The following LRP1B variants were observed in gnomAD, a reference collection of about 807,000 sequenced individuals.
LRP1B encodes LDL receptor related protein 1B, also known as low-density lipoprotein receptor-related protein 1B.
LRP1B carries 217 observed loss-of-function variants against 556.6 expected under a neutral mutation model. The observed-to-expected ratio is 0.39, with a 90% CI of 0.35 to 0.44. The LOEUF (loss-of-function observed/expected upper bound fraction) is 0.44. Ranked by LOEUF, LRP1B falls within the 20% of genes least tolerant of loss-of-function variation. LRP1B has a pLI of 1.00. For missense variants in LRP1B, 5,053 were observed against 5,620.8 expected (o/e 0.90, Z 3.23); for synonymous variants, 2,047 against 1,865.8 (o/e 1.10, Z -2.50).
intron 2 of LRP1B, among the ~76,000 whole-genome samples, chr2:141,734,227 T>C (rs978076012): frequency 2.6e-5 from 4 of 152,086 alleles, no homozygotes; most frequent in Admixed American, 2.6e-4. Flanking sequence ...ATAAGTGCAG[T>C]GAATAAAAAT....
chr2:141,709,365 T>G (rs972465823), intron 2 of LRP1B, among the ~76,000 whole-genome samples: 1 of 147,954 alleles, frequency 6.8e-6, no homozygotes. Flanking sequence ...TAAAAGAAAA[T>G]AAATAAAATA....
At chr2:141,530,525 G>C (rs1684835448) in intron 2 of LRP1B, among the ~76,000 whole-genome samples, 1 of 152,036 alleles carries the variant, frequency 6.6e-6, no homozygotes, top group Admixed American at 6.6e-5. Flanking sequence ...TATTCTAGCT[G>C]CTAAGGATAG....
At chr2:141,196,212 C>T (rs895536957) in intron 6 of LRP1B, among the ~76,000 whole-genome samples, 1 of 151,990 alleles carries the variant, frequency 6.6e-6, no homozygotes, top group African/African-American at 2.4e-5. Context: ...TCCATCAAGG[C>T]TTATGGTAAA....
At chr2:141,679,288 T>C (rs1251804014) in intron 2 of LRP1B, among the ~76,000 whole-genome samples, 1 of 152,098 alleles carries the variant, frequency 6.6e-6, no homozygotes, top group African/African-American at 2.4e-5. Context: ...GGCAGACATA[T>C]GTATTTAGGC....
At chr2:141,915,937 T>C (rs1387743477) in intron 1 of LRP1B, among the ~76,000 whole-genome samples, 3 of 152,316 alleles carry the variant, frequency 2.0e-5, no homozygotes, top group Non-Finnish European at 4.4e-5. Context: ...TAACAGATCC[T>C]GGCAAGGCTG....
rs1272048724 is a variant in LRP1B, at chr2:141,886,667, A to T, written c.83-76266T>A. ...TATATCTGAACATAGTGAAAAAGTA[A>T]CATTTAAAATCAGTCAAATTATTTT... is the stretch of plus-strand genomic sequence containing the variant. On this transcript the variant is annotated intron_variant, in intron 1 of 90. Coordinates refer to ENST00000389484, the MANE Select transcript of LRP1B (RefSeq NM_018557.3). 2.0e-5 allele frequency among the ~76,000 whole-genome samples: 3 copies of T among 152,340 alleles called. No homozygotes were observed. In the East Asian group the frequency reaches 5.8e-4, roughly 29 times the overall value.
intron 3 of LRP1B, among the ~76,000 whole-genome samples, chr2:141,389,084 C>A (rs10171197): frequency 0.026 from 3,971 of 152,100 alleles, 169 homozygotes; most frequent in African/African-American, 0.091. Flanking sequence ...CAGTGTTAGC[C>A]TATTAAAATT....
At chr2:141,516,362 G>C (rs886089979) in intron 2 of LRP1B, among the ~76,000 whole-genome samples, 1 of 152,014 alleles carries the variant, frequency 6.6e-6, no homozygotes. Flanking sequence ...GAACTGTTCT[G>C]ATTATCTAAC....
chr2:140,782,423 T>G (rs977305425), intron 32 of LRP1B, among the ~76,000 whole-genome samples: 1 of 152,078 alleles, frequency 6.6e-6, no homozygotes, highest in Non-Finnish European at 1.5e-5. Context: ...AGATATGCAC[T>G]GAGGAAAGGC....
chr2:141,665,782 T>A (rs1037833041), intron 2 of LRP1B, among the ~76,000 whole-genome samples: 11 of 152,260 alleles, frequency 7.2e-5, no homozygotes, highest in African/African-American at 2.6e-4. Flanking sequence ...TTCAGGGACA[T>A]AAATGGAGCT....
chr2:141,344,133 G>A (rs548572888), intron 3 of LRP1B, among the ~76,000 whole-genome samples: 3 of 152,204 alleles, frequency 2.0e-5, no homozygotes, highest in Middle Eastern at 3.4e-3. Flanking sequence ...TTTTGACGTT[G>A]TTTCCTTGTT....
intron 1 of LRP1B, among the ~76,000 whole-genome samples, chr2:141,976,742 T>C (rs1481204056): frequency 6.6e-6 from 1 of 152,060 alleles, no homozygotes; most frequent in Non-Finnish European, 1.5e-5. Context: ...GCAATCTAGG[T>C]GGGTGGAACT....
In LRP1B at chr2:140,270,120, A is replaced by G. The variant is rs187984349; in HGVS notation, c.13247+122T>C. ...ATGAGCTGATGAGGGACAATACTTGATCAGAGATGTCCATGAAACACTCAT... is the reference window on the plus strand; with the variant it reads ...ATGAGCTGATGAGGGACAATACTTGGTCAGAGATGTCCATGAAACACTCAT... On this transcript the variant is annotated intron_variant, in intron 86 of 90. Coordinates refer to ENST00000389484, the MANE Select transcript of LRP1B (RefSeq NM_018557.3). 49 of 677,630 alleles carry G rather than the reference A, an allele frequency of 7.2e-5. No homozygotes were observed. The African/African-American group carries it at 7.7e-4, about 11-fold the overall frequency. 42.0% of individuals were successfully genotyped at this position (677,630 alleles called of 1,614,324 possible).
At chr2:141,274,349 T>C (rs1190222114) in intron 3 of LRP1B, among the ~76,000 whole-genome samples, 1 of 152,172 alleles carries the variant, frequency 6.6e-6, no homozygotes, top group Non-Finnish European at 1.5e-5. Context: ...GGTATATCCA[T>C]ATAATGGAAT....
Position 141,738,297 on chromosome 2 carries a change from C to T in LRP1B, c.205+71982G>A, listed in dbSNP as rs529812980. 9.2e-5 allele frequency among the ~76,000 whole-genome samples: 14 copies of T among 152,234 alleles called. 1 individual carries two copies. Among genetic ancestry groups the T allele is most frequent in the African/African-American group, 3.4e-4 (14 of 41,570 alleles). Reference sequence around the variant, plus strand: ...CTCCTTCTCTCCCAATAGAGAAATACTTTCAACTTTCACAAAAATCTAAAT... The same window carrying T: ...CTCCTTCTCTCCCAATAGAGAAATATTTTCAACTTTCACAAAAATCTAAAT... On this transcript the variant is annotated intron_variant, in intron 2 of 90. Coordinates refer to ENST00000389484, the MANE Select transcript of LRP1B (RefSeq NM_018557.3).
intron 2 of LRP1B, among the ~76,000 whole-genome samples, chr2:141,648,453 C>A (rs1214006398): frequency 6.6e-6 from 1 of 152,200 alleles, no homozygotes; most frequent in Non-Finnish European, 1.5e-5. Flanking sequence ...TAATTCCCCT[C>A]CTTTTCCCAG....
intron 3 of LRP1B, among the ~76,000 whole-genome samples, chr2:141,329,095 T>C (rs1428898223): frequency 6.6e-6 from 1 of 152,130 alleles, no homozygotes; most frequent in Non-Finnish European, 1.5e-5. Context: ...AGTTTTAAAA[T>C]GTTTGAGGCT....
chr2:140,990,994 C>T (rs925410795), intron 16 of LRP1B, among the ~76,000 whole-genome samples: 5 of 151,874 alleles, frequency 3.3e-5, no homozygotes, highest in Admixed American at 1.3e-4. Flanking sequence ...TTTGTTGATA[C>T]GTGGTTTTAT....
chr2:141,873,076 C>T (rs987505139), intron 1 of LRP1B, among the ~76,000 whole-genome samples: 3 of 151,854 alleles, frequency 2.0e-5, no homozygotes, highest in African/African-American at 7.3e-5. Context: ...AGATTTATGA[C>T]CAAAGCAAAG....
Sources: gnomAD v4.1 joint callset for allele counts (sites outside exome capture counted in the v4.1 genomes callset) on GRCh38, gnomAD v4.1.1 for gene constraint, MANE v1.5 for transcripts, NCBI Gene and HGNC (gene_info 2026-07-23, HGNC 2026-07-21) for gene names.